The following TNRC18 variants were observed in gnomAD, a reference collection of about 807,000 sequenced individuals.
The protein encoded by TNRC18 is trinucleotide repeat containing 18, also known as trinucleotide repeat-containing gene 18 protein.
In TNRC18, 69 loss-of-function variants were observed where a neutral mutation model predicts 226.7. That is an observed-to-expected ratio of 0.30 (90% CI 0.25 to 0.37). The LOEUF (loss-of-function observed/expected upper bound fraction) is 0.37. TNRC18 is among the 10% of genes least tolerant of loss of function. The probability of loss-of-function intolerance (pLI) is 1.00; values close to 1 mark genes in which losing one functional copy is unlikely to be tolerated. For synonymous variants in TNRC18, 2,449 were observed against 1,927.6 expected (o/e 1.27, Z -7.09); for missense variants, 4,754 against 4,256.6 (o/e 1.12, Z -3.25).
chr7:5,399,479 G>C (rs529273956), intron 2 of TNRC18, among the ~76,000 whole-genome samples: 1 of 151,364 alleles, frequency 6.6e-6, no homozygotes, highest in Non-Finnish European at 1.5e-5. Flanking sequence ...TTGGGAGGAC[G>C]AGGCGGGCAG....
chr7:5,380,472 CCAGAAG>C (rs1194965178), intron 5 of TNRC18, among the ~76,000 whole-genome samples: 2 of 152,300 alleles, frequency 1.3e-5, no homozygotes, highest in Non-Finnish European at 2.9e-5. Context: ...CCCACCAGTC[CCAGAAG>C]CAGAAGAGAG....
chr7:5,419,787 G>C (rs1159761278), intron 2 of TNRC18: 1 of 151,964 alleles, frequency 6.6e-6, no homozygotes, highest in Non-Finnish European at 1.5e-5. Flanking sequence ...CCTTTGTCCC[G>C]CCGAGCCCCC....
chr7:5,351,779 T>G (rs764092311), intron 17 of TNRC18, 40 bp downstream of exon 17: 1 of 1,528,680 alleles, frequency 6.5e-7, no homozygotes, highest in South Asian at 1.3e-5. Flanking sequence ...ACTCTCTCGC[T>G]AGGAAACACG....
intron 2 of TNRC18, among the ~76,000 whole-genome samples, chr7:5,408,795 C>G (rs1781651858): frequency 6.6e-6 from 1 of 152,064 alleles, no homozygotes; most frequent in Non-Finnish European, 1.5e-5. Context: ...ATCCAGAGAC[C>G]CTAGTACCTG....
At chr7:5,320,278 T>C in intron 24 of TNRC18, 40 bp downstream of exon 24, 2 of 1,481,804 alleles carry the variant, frequency 1.3e-6, no homozygotes, top group Non-Finnish European at 1.8e-6. Flanking sequence ...CATACTGAGA[T>C]GTTAGGCGGC....
At chr7:5,404,621 T>C (rs916582505) in intron 2 of TNRC18, among the ~76,000 whole-genome samples, 2 of 152,106 alleles carry the variant, frequency 1.3e-5, no homozygotes, top group Non-Finnish European at 2.9e-5. Context: ...TACCGAGGAC[T>C]GCAGGCGCCC....
At chr7:5,423,347 C>T (rs939824985) in intron 1 of TNRC18, 94 bp downstream of exon 1, 35 of 152,260 alleles carry the variant, frequency 2.3e-4, no homozygotes, top group African/African-American at 8.2e-4. Flanking sequence ...CCCCCCCGCG[C>T]ACCCCGAGGG....
At chr7:5,357,553 C>T (rs1792577402) in intron 15 of TNRC18, among the ~76,000 whole-genome samples, 1 of 152,146 alleles carries the variant, frequency 6.6e-6, no homozygotes, top group Non-Finnish European at 1.5e-5. Flanking sequence ...CTGGGAGTCG[C>T]AAGTCACTGC....
intron 17 of TNRC18, among the ~76,000 whole-genome samples, chr7:5,350,672 G>C (rs1791697160): frequency 6.6e-6 from 1 of 152,184 alleles, no homozygotes; most frequent in East Asian, 1.9e-4. Context: ...GGGCATTTCT[G>C]GTTGAAGGGC....
At chr7:5,390,076 A>G (rs1780175458) in intron 4 of TNRC18, 1 of 304,984 alleles carries the variant, frequency 3.3e-6, no homozygotes, top group African/African-American at 2.2e-5. Flanking sequence ...GGTCTCAAAA[A>G]AGCATCTTAG....
intron 14 of TNRC18, 29 bp downstream of exon 14, chr7:5,361,565 T>A: frequency 2.0e-6 from 3 of 1,483,384 alleles, no homozygotes; most frequent in Non-Finnish European, 2.7e-6. Context: ...TGTGTGCCAG[T>A]CCCCGACCCA....
chr7:5,350,053 G>A (rs1791622633), intron 17 of TNRC18, among the ~76,000 whole-genome samples: 1 of 152,182 alleles, frequency 6.6e-6, no homozygotes, highest in South Asian at 2.1e-4. Context: ...GCTGGGGCAG[G>A]AGGGCTCAAA....
intron 5 of TNRC18, 89 bp from the exon 6 acceptor site, chr7:5,378,113 C>T: frequency 1.0e-6 from 1 of 998,004 alleles, no homozygotes; most frequent in Non-Finnish European, 1.5e-6. Flanking sequence ...CCTCCCTGGG[C>T]CCCCCAGAGC....
At chr7:5,334,817 G>A (rs1789922117) in intron 18 of TNRC18, among the ~76,000 whole-genome samples, 1 of 152,138 alleles carries the variant, frequency 6.6e-6, no homozygotes, top group South Asian at 2.1e-4. Flanking sequence ...CAGAGAGGAG[G>A]CTCACGTGGA....
rs767527916 is a variant in TNRC18, at chr7:5,370,790, C to T, written c.3804G>A (p.Val1268=). ...CCTCGGGCACTGCCTCCACCACGGG[C>T]ACCGCCACAGGCACCTCCACCGGCT... ...KEEPVEVPVA[V]PVVEAVPEEG... Residue 1268 remains valine (V), a synonymous_variant, in exon 11 of 30, where the codon GTG becomes GTA. Transcript: ENST00000430969. 6.2e-7 allele frequency: 1 copy of T among 1,605,096 alleles called. No homozygotes were observed. Among genetic ancestry groups the T allele is most frequent in the South Asian group, 1.1e-5 (1 of 90,162 alleles).
chr7:5,345,779 CTCCTCCTCG>C lies in TNRC18; in HGVS notation c.5493_5501del (p.Asp1831_Glu1833del). ...TGGCCTCGTCCTCCTCCTCGAGCTCCTCCTCCTCGTCCTCCTCCTCCGAGCTCTCATCTG... is the reference window on the plus strand; with the variant it reads ...TGGCCTCGTCCTCCTCCTCGAGCTCCTCCTCCTCCTCCGAGCTCTCATCTG... On this transcript the variant is annotated inframe_deletion, in exon 18 of 30. Coordinates refer to ENST00000430969, the MANE Select transcript of TNRC18 (RefSeq NM_001080495.3). The C allele has an allele frequency of 1.3e-6, 2 of 1,546,012 alleles. No homozygotes were observed. The highest frequency in any genetic ancestry group is 1.7e-6 in the Non-Finnish European group (2 of 1,146,674).
At chr7:5,402,069 C>T (rs181717847) in intron 2 of TNRC18, among the ~76,000 whole-genome samples, 24 of 151,802 alleles carry the variant, frequency 1.6e-4, no homozygotes, top group Admixed American at 1.2e-3. Flanking sequence ...GTCCCAGCTA[C>T]TCCGGAGGCT....
intron 2 of TNRC18, among the ~76,000 whole-genome samples, chr7:5,408,945 CAG>C (rs1781661962): frequency 6.6e-6 from 1 of 152,192 alleles, no homozygotes; most frequent in Non-Finnish European, 1.5e-5. Context: ...AAAGGGAAAA[CAG>C]GAATCAGAGT....
intron 17 of TNRC18, 97 bp from the exon 18 acceptor site, chr7:5,345,907 C>T: frequency 6.9e-7 from 1 of 1,457,602 alleles, no homozygotes; most frequent in African/African-American, 1.4e-5. Flanking sequence ...GGGCTCCAGC[C>T]TAGTCCCTCA....
Sources: gnomAD v4.1 joint callset for allele counts (sites outside exome capture counted in the v4.1 genomes callset) on GRCh38, gnomAD v4.1.1 for gene constraint, MANE v1.5 for transcripts, NCBI Gene and HGNC (gene_info 2026-07-23, HGNC 2026-07-21) for gene names.